Variants in DACH2 observed in about 807,000 individuals in gnomAD.
DACH2 encodes dachshund homolog 2.
In DACH2, 17 loss-of-function variants were observed where a neutral mutation model predicts 35.8. The ratio of observed to expected loss-of-function variants is 0.48; its 90% CI spans 0.33 to 0.71. The LOEUF (loss-of-function observed/expected upper bound fraction) is 0.71. Ranked by LOEUF, DACH2 falls within the 30% of genes least tolerant of loss-of-function variation. DACH2 has a pLI of 0.02. For synonymous variants in DACH2, 195 were observed against 177.3 expected, an observed-to-expected ratio of 1.10 and a Z score of -0.79; for missense variants, 469 against 472.7, an observed-to-expected ratio of 0.99 and a Z score of 0.07.
At position 86,290,524 on chromosome X, in the gene DACH2, T is replaced by C. The variant is rs754800042; in HGVS notation, c.489-86300T>C. On this transcript the variant is annotated intron_variant, in intron 1 of 11. Coordinates refer to ENST00000373125, the MANE Select transcript of DACH2 (RefSeq NM_053281.3). Reference sequence around the variant, plus strand: ...TGCCTATGTCCTGAATGGTAATGCCTAGGTTTTCTTCTAGGGTTTTTATGG... The same window carrying C: ...TGCCTATGTCCTGAATGGTAATGCCCAGGTTTTCTTCTAGGGTTTTTATGG... 1.4e-3 allele frequency among the ~76,000 whole-genome samples: 145 copies of C among 101,643 alleles called. 1 individual carries two copies. Among genetic ancestry groups the C allele is most frequent in the African/African-American group, 5.2e-3 (142 of 27,054 alleles). 88.3% of individuals were successfully genotyped at this position (101,643 alleles called of 115,157 possible). A position where few individuals can be genotyped will look rare whatever the true frequency, so the allele number is the denominator to read the frequency against.
intron 3 of DACH2, among the ~76,000 whole-genome samples, chrX:86,564,851 A>G (rs1265091619): frequency 1.8e-5 from 2 of 111,058 alleles, no homozygotes; most frequent in African/African-American, 6.5e-5. Context: ...AAGCACAGGG[A>G]ATATTAGTGA....
intron 2 of DACH2, among the ~76,000 whole-genome samples, chrX:86,421,865 G>A (rs182066072): frequency 3.6e-5 from 4 of 110,633 alleles, no homozygotes; most frequent in African/African-American, 1.3e-4. Flanking sequence ...AACAAGACCT[G>A]CTTAGTCATA....
intron 1 of DACH2, among the ~76,000 whole-genome samples, chrX:86,172,774 G>A (rs932781654): frequency 2.2e-4 from 24 of 111,592 alleles, no homozygotes; most frequent in African/African-American, 7.5e-4. Context: ...GCACTACACA[G>A]GAATTTCACT....
chrX:86,534,765 C>A (rs962674387), intron 3 of DACH2, among the ~76,000 whole-genome samples: 2 of 111,299 alleles, frequency 1.8e-5, no homozygotes, highest in Admixed American at 9.6e-5. Context: ...TATTGTATGT[C>A]TTTTTACTTT....
chrX:86,168,962 G>GT (rs1263045156), intron 1 of DACH2, among the ~76,000 whole-genome samples: 2 of 111,023 alleles, frequency 1.8e-5, no homozygotes, highest in African/African-American at 6.5e-5. Flanking sequence ...AATATTCTGT[G>GT]TTTTTTTGTG....
intron 5 of DACH2, among the ~76,000 whole-genome samples, chrX:86,705,292 A>T (rs2041202783): frequency 9.1e-6 from 1 of 109,493 alleles, no homozygotes; most frequent in African/African-American, 3.3e-5. Flanking sequence ...GGACTCCGGA[A>T]AATTTGGGAG....
chrX:86,629,523 C>T (rs987694140), intron 3 of DACH2, among the ~76,000 whole-genome samples: 1 of 110,405 alleles, frequency 9.1e-6, no homozygotes, highest in Non-Finnish European at 1.9e-5. Context: ...TTCAGTGGTA[C>T]CAGAAAGACA....
At chrX:86,483,532 C>T (rs1436595542) in intron 2 of DACH2, among the ~76,000 whole-genome samples, 1 of 111,149 alleles carries the variant, frequency 9.0e-6, no homozygotes, top group African/African-American at 3.3e-5. Flanking sequence ...AGAAATAGTG[C>T]TAAGAAAGAC....
At chrX:86,292,975 T>C (rs1411697562) in intron 1 of DACH2, among the ~76,000 whole-genome samples, 5 of 100,794 alleles carry the variant, frequency 5.0e-5, no homozygotes, top group African/African-American at 7.5e-5. Flanking sequence ...AATTCCTGGG[T>C]ATCCTTGTTG....
intron 1 of DACH2, among the ~76,000 whole-genome samples, chrX:86,212,184 G>A (rs766349884): frequency 9.0e-6 from 1 of 111,376 alleles, no homozygotes; most frequent in Admixed American, 9.6e-5. Context: ...AGAGCTAAAA[G>A]GCAATGGCAC....
intron 11 of DACH2, among the ~76,000 whole-genome samples, chrX:86,818,294 G>A (rs1291351284): frequency 9.0e-6 from 1 of 111,150 alleles, no homozygotes; most frequent in Non-Finnish European, 1.9e-5. Flanking sequence ...AAAAAATTTA[G>A]CAATAATGTT....
At chrX:86,797,864 A>T (rs1270937809) in intron 7 of DACH2, among the ~76,000 whole-genome samples, 1 of 111,746 alleles carries the variant, frequency 8.9e-6, no homozygotes, top group East Asian at 2.8e-4. Flanking sequence ...AGTGTATCAC[A>T]TGTCTTAATT....
chrX:86,704,788 C>T (rs1473609049), intron 5 of DACH2, among the ~76,000 whole-genome samples: 2 of 110,899 alleles, frequency 1.8e-5, no homozygotes, highest in African/African-American at 6.6e-5. Context: ...AACACTTCTA[C>T]ACTGCTGGTG....
intron 1 of DACH2, among the ~76,000 whole-genome samples, chrX:86,252,457 A>T (rs2033421045): frequency 9.0e-6 from 1 of 111,384 alleles, no homozygotes; most frequent in African/African-American, 3.3e-5. Flanking sequence ...TTTATCTTCT[A>T]TAATTTTTAT....
chrX:86,246,634 C>T (rs1446675026), intron 1 of DACH2, among the ~76,000 whole-genome samples: 4 of 111,934 alleles, frequency 3.6e-5, no homozygotes, highest in Non-Finnish European at 7.5e-5. Flanking sequence ...AATTTGTTAC[C>T]ACCAGACCTG....
chrX:86,435,011 ACAAGCCATGAGGGATCTCAC>A (rs1434978768), intron 2 of DACH2, among the ~76,000 whole-genome samples: 1 of 111,358 alleles, frequency 9.0e-6, no homozygotes, highest in African/African-American at 3.3e-5. Flanking sequence ...GGATGTTCTT[ACAAGCCATGAGGGATCTCAC>A]CAAGCCATGA....
intron 1 of DACH2, among the ~76,000 whole-genome samples, chrX:86,257,033 A>G (rs750004356): frequency 1.1e-3 from 128 of 112,083 alleles, no homozygotes; most frequent in Non-Finnish European, 1.7e-3. Context: ...CATAAGCTTT[A>G]CACATTTCTG....
At chrX:86,309,376 C>T (rs770735533) in intron 1 of DACH2, among the ~76,000 whole-genome samples, 2 of 112,446 alleles carry the variant, frequency 1.8e-5, no homozygotes, top group Admixed American at 1.9e-4. Flanking sequence ...CCTTTTTCTC[C>T]ATTCCTGTTT....
chrX:86,275,636 A>G (rs1440699511), intron 1 of DACH2, among the ~76,000 whole-genome samples: 1 of 111,431 alleles, frequency 9.0e-6, no homozygotes, highest in South Asian at 3.8e-4. Flanking sequence ...TATCAAATAG[A>G]AGGTCTTATT....
Sources: gnomAD v4.1 joint callset for allele counts (sites outside exome capture counted in the v4.1 genomes callset) on GRCh38, gnomAD v4.1.1 for gene constraint, MANE v1.5 for transcripts, NCBI Gene and HGNC (gene_info 2026-07-23, HGNC 2026-07-21) for gene names.